The following FAM20C variants were observed in gnomAD, a reference collection of about 807,000 sequenced individuals.
FAM20C encodes extracellular serine/threonine protein kinase FAM20C.
Under a neutral mutation model 51.5 loss-of-function variants are expected in FAM20C, and 40 were observed. The ratio of observed to expected loss-of-function variants is 0.78; its 90% CI spans 0.60 to 1.01. The LOEUF (loss-of-function observed/expected upper bound fraction) is 1.01. Ranked by LOEUF, FAM20C falls within the 50% of genes least tolerant of loss-of-function variation. FAM20C has a pLI of 0.00. For missense variants in FAM20C, 861 were observed against 844.7 expected (o/e 1.02, Z -0.24); for synonymous variants, 406 against 380.6 (o/e 1.07, Z -0.78).
At chr7:217,787 C>T (rs1222148510) in intron 3 of FAM20C, among the ~76,000 whole-genome samples, 1 of 152,112 alleles carries the variant, frequency 6.6e-6, no homozygotes, top group Non-Finnish European at 1.5e-5. Context: ...GCAAAGCTTT[C>T]CATTTGTACG....
intron 2 of FAM20C, among the ~76,000 whole-genome samples, chr7:198,882 A>G (rs974475143): frequency 6.6e-6 from 1 of 152,208 alleles, no homozygotes; most frequent in Non-Finnish European, 1.5e-5. Context: ...CCTGAGCCTC[A>G]TGAGGGTCTC....
intron 3 of FAM20C, chr7:228,897 C>G (rs1190738431): frequency 2.3e-6 from 1 of 434,680 alleles, no homozygotes; most frequent in South Asian, 1.6e-5. Context: ...ATTCCTCCTC[C>G]TCAAACTCAG....
chr7:224,471 C>A (rs577493046), intron 3 of FAM20C, among the ~76,000 whole-genome samples: 7 of 6,156 alleles, frequency 1.1e-3, no homozygotes, highest in Non-Finnish European at 1.8e-3. Context: ...TCTCTCATTG[C>A]GCAGAATGGC....
intron 2 of FAM20C, among the ~76,000 whole-genome samples, chr7:206,087 T>C (rs897322579): frequency 1.3e-5 from 2 of 152,152 alleles, no homozygotes; most frequent in Non-Finnish European, 2.9e-5. Flanking sequence ...GTGAGGTCCC[T>C]GGAGCGTCTC....
intron 5 of FAM20C, among the ~76,000 whole-genome samples, chr7:253,888 A>G (rs1230465858): frequency 6.6e-6 from 1 of 152,220 alleles, no homozygotes; most frequent in East Asian, 1.9e-4. Context: ...CCTCCAGCCA[A>G]TGAGCGCTCA....
In FAM20C at chr7:246,457, C is replaced by A. The variant is rs11546478; in HGVS notation, c.906C>A (p.Phe302Leu). ...AGACACCCCCTGACTTTTTTTATTT[C>A]TCTGACTACGAGAGGCACAATGCGG... ...EQETPPDFFY[F>L]SDYERHNAEI... Residue 302 changes from phenylalanine (F) to leucine (L), a missense_variant, in exon 4 of 10, where the codon TTC becomes TTA. Coordinates refer to ENST00000313766, the MANE Select transcript of FAM20C (RefSeq NM_020223.4). 3 of 1,392,210 alleles carry A rather than the reference C, an allele frequency of 2.2e-6. No individual in the cohort carries two copies. Among genetic ancestry groups the A allele is most frequent in the Non-Finnish European group, 1.9e-6 (2 of 1,077,386 alleles). The allele number at this position is 1,392,210 out of a possible 1,614,324, so 86.2% of individuals were successfully genotyped here. A position where few individuals can be genotyped will look rare whatever the true frequency, so the allele number is the denominator to read the frequency against.
intron 2 of FAM20C, among the ~76,000 whole-genome samples, chr7:198,541 C>G (rs1243883211): frequency 3.3e-5 from 5 of 152,210 alleles, no homozygotes; most frequent in Admixed American, 3.3e-4. Flanking sequence ...GTCACATGTT[C>G]CTCTGAGGAA....
At chr7:229,713 G>A (rs1356497872) in intron 3 of FAM20C, among the ~76,000 whole-genome samples, 1 of 152,216 alleles carries the variant, frequency 6.6e-6, no homozygotes, top group African/African-American at 2.4e-5. Context: ...CTGCCAGGGA[G>A]AGCCCCGCAC....
chr7:211,028 T>A (rs1177429168), intron 3 of FAM20C, among the ~76,000 whole-genome samples: 1 of 151,982 alleles, frequency 6.6e-6, no homozygotes, highest in Admixed American at 6.6e-5. Flanking sequence ...AACTGGGGTT[T>A]AGAGAAGGAA....
chr7:193,528 TGCCGCCCGCGGCCGA>T lies in FAM20C; in HGVS notation c.334_348del (p.Pro112_Pro116del), dbSNP rs1183568103. ...CTCTCGTCCCACTCGCTGGAGAAAC[TGCCGCCCGCGGCCGA>T]GCCGGCCGAGCGCGCCTTGCGGGGG... On this transcript the variant is annotated inframe_deletion, in exon 1 of 10. Transcript: ENST00000313766. 6.7e-7 allele frequency: 1 copy of T among 1,497,520 alleles called. No homozygotes were observed. The highest frequency in any genetic ancestry group is 8.9e-7 in the Non-Finnish European group (1 of 1,120,302). 92.8% of individuals were successfully genotyped at this position (1,497,520 alleles called of 1,614,324 possible).
At chr7:217,950 C>T (rs896910309) in intron 3 of FAM20C, among the ~76,000 whole-genome samples, 2 of 152,206 alleles carry the variant, frequency 1.3e-5, no homozygotes, top group Non-Finnish European at 1.5e-5. Context: ...TGTTCCTGTT[C>T]GATAAGCTAC....
chr7:208,642 C>T (rs948017581), intron 2 of FAM20C, among the ~76,000 whole-genome samples: 3 of 151,768 alleles, frequency 2.0e-5, no homozygotes, highest in Admixed American at 2.0e-4. Flanking sequence ...ACCTGGCCGT[C>T]CCTTCTAGGG....
intron 3 of FAM20C, among the ~76,000 whole-genome samples, chr7:211,748 T>A (rs1419503236): frequency 6.6e-6 from 1 of 152,174 alleles, no homozygotes; most frequent in East Asian, 1.9e-4. Flanking sequence ...AGAAGCCTGC[T>A]GCAGTTGGGG....
intron 6 of FAM20C, chr7:256,272 G>A (rs965040323): frequency 2.3e-5 from 14 of 599,180 alleles, no homozygotes; most frequent in Admixed American, 6.2e-5. Flanking sequence ...CCCTCGAATC[G>A]GGGCCTCTCA....
At chr7:206,271 C>T (rs539440102) in intron 2 of FAM20C, among the ~76,000 whole-genome samples, 4 of 152,336 alleles carry the variant, frequency 2.6e-5, no homozygotes, top group East Asian at 3.9e-4. Context: ...CTGCAGCTGC[C>T]GCAGCCCCAG....
chr7:200,736 G>A (rs1786090326), intron 2 of FAM20C, among the ~76,000 whole-genome samples: 1 of 152,230 alleles, frequency 6.6e-6, no homozygotes, highest in African/African-American at 2.4e-5. Context: ...AAAGTGTCCT[G>A]AGGGTGGTGT....
At chr7:209,304 G>A (rs777178248) in intron 3 of FAM20C, among the ~76,000 whole-genome samples, 2 of 152,196 alleles carry the variant, frequency 1.3e-5, no homozygotes, top group African/African-American at 2.4e-5. Context: ...AAGAGGTGAC[G>A]TCCGCACCTT....
intron 2 of FAM20C, among the ~76,000 whole-genome samples, chr7:207,854 AC>A (rs1011301889): frequency 3.3e-5 from 5 of 151,826 alleles, no homozygotes; most frequent in African/African-American, 1.2e-4. Flanking sequence ...TGCTGTGGGA[AC>A]CCCCCGGAGC....
In FAM20C at chr7:246,266, C is replaced by A. The variant is rs376148379; in HGVS notation, c.864-149C>A. On this transcript the variant is annotated intron_variant, in intron 3 of 9. Coordinates refer to ENST00000313766, the MANE Select transcript of FAM20C (RefSeq NM_020223.4). ...CTGAGGGCCCGTCGGCAGCTGGGTGCCCAGGGTCCCGAAGGCTCAGGGTGG... is the reference window on the plus strand; with the variant it reads ...CTGAGGGCCCGTCGGCAGCTGGGTGACCAGGGTCCCGAAGGCTCAGGGTGG... The A allele has an allele frequency of 8.0e-5, 49 of 612,004 alleles. No homozygotes were observed. The African/African-American group carries it at 9.8e-4, about 12-fold the overall frequency. The allele number at this position is 612,004 out of a possible 1,614,324, so 37.9% of individuals were successfully genotyped here. A position where few individuals can be genotyped will look rare whatever the true frequency, so the allele number is the denominator to read the frequency against.
Sources: allele counts gnomAD v4.1 joint callset (sites outside exome capture counted in the v4.1 genomes callset), GRCh38; gene constraint gnomAD v4.1.1; transcripts MANE v1.5; gene names NCBI Gene and HGNC (gene_info 2026-07-23, HGNC 2026-07-21).